CACNA2D3: variants seen among roughly 807,000 people sequenced by gnomAD.
CACNA2D3 encodes voltage-dependent calcium channel subunit alpha-2/delta-3.
A neutral mutation model predicts 160.6 loss-of-function variants in CACNA2D3; 60 were observed. The observed-to-expected ratio is 0.37, with a 90% CI of 0.30 to 0.46. The LOEUF (loss-of-function observed/expected upper bound fraction) is 0.46. Among genes scored for constraint, CACNA2D3 ranks in the 20% least tolerant of loss-of-function variants. The pLI is 1.00. For missense variants in CACNA2D3, 1,205 were observed against 1,365.0 expected (o/e 0.88, Z 1.85); for synonymous variants, 558 against 492.9 (o/e 1.13, Z -1.75).
chr3:54,931,293 C>T (rs940737352), intron 27 of CACNA2D3, among the ~76,000 whole-genome samples: 6 of 152,100 alleles, frequency 3.9e-5, no homozygotes, highest in African/African-American at 1.4e-4. Flanking sequence ...TCATGCTGAC[C>T]CCAATTGGGG....
chr3:54,350,226 ACT>A (rs1698528755), intron 3 of CACNA2D3, among the ~76,000 whole-genome samples: 1 of 151,478 alleles, frequency 6.6e-6, no homozygotes, highest in Admixed American at 6.6e-5. Flanking sequence ...AAATAACTGT[ACT>A]CTCTTGCTGA....
chr3:55,004,414 G>A (rs762474510), intron 31 of CACNA2D3, among the ~76,000 whole-genome samples: 2 of 152,166 alleles, frequency 1.3e-5, no homozygotes, highest in Non-Finnish European at 2.9e-5. Flanking sequence ...TTCCATCCGG[G>A]TCTTAGAATC....
intron 2 of CACNA2D3, among the ~76,000 whole-genome samples, chr3:54,222,602 C>G (rs1701595891): frequency 6.6e-6 from 1 of 152,166 alleles, no homozygotes; most frequent in Non-Finnish European, 1.5e-5. Flanking sequence ...CTAAACATCA[C>G]AAAATTGTTT....
At chr3:54,698,860 CA>C (rs1359956798) in intron 11 of CACNA2D3, among the ~76,000 whole-genome samples, 1 of 152,068 alleles carries the variant, frequency 6.6e-6, no homozygotes, top group Admixed American at 6.6e-5. Context: ...GTGTTTTCCC[CA>C]AATGTAACCA....
intron 2 of CACNA2D3, among the ~76,000 whole-genome samples, chr3:54,253,009 T>G (rs138961927): frequency 1.2e-3 from 177 of 152,354 alleles, no homozygotes; most frequent in African/African-American, 4.0e-3. Flanking sequence ...TGATTTAATA[T>G]TCTTCCTGAA....
rs1423010442 is a variant in CACNA2D3, at chr3:54,642,259, C to T, written c.1167+18C>T. ...ATCGAAAGGTAAGTTGATGCTGATC[C>T]CGTCTGTGCGGTGGACTCCTTGAGA... is the stretch of plus-strand genomic sequence containing the variant. On this transcript the variant is annotated intron_variant, in intron 11 of 37. Coordinates refer to ENST00000474759, the MANE Select transcript of CACNA2D3 (RefSeq NM_018398.3). 2.0e-6 allele frequency: 3 copies of T among 1,503,596 alleles called. No individual in the cohort carries two copies. Among genetic ancestry groups the T allele is most frequent in the African/African-American group, 1.4e-5 (1 of 72,774 alleles). 93.1% of individuals were successfully genotyped at this position (1,503,596 alleles called of 1,614,324 possible).
chr3:54,811,215 T>C (rs1323276439), intron 13 of CACNA2D3, among the ~76,000 whole-genome samples: 1 of 152,190 alleles, frequency 6.6e-6, no homozygotes, highest in Non-Finnish European at 1.5e-5. Flanking sequence ...TGGACAAAAC[T>C]GAGCTCTTAG....
At chr3:54,846,347 C>G in intron 16 of CACNA2D3, 46 bp from the exon 17 acceptor site, 2 of 1,297,712 alleles carry the variant, frequency 1.5e-6, no homozygotes, top group Non-Finnish European at 2.2e-6. Flanking sequence ...TGTGAATTCA[C>G]CAGGGAGCAA....
chr3:54,994,718 A>G (rs1444514495), intron 31 of CACNA2D3, among the ~76,000 whole-genome samples: 1 of 152,178 alleles, frequency 6.6e-6, no homozygotes, highest in Non-Finnish European at 1.5e-5. Flanking sequence ...AGTAACTACT[A>G]TTATTATTTC....
At chr3:54,349,355 T>G (rs1268571922) in intron 3 of CACNA2D3, among the ~76,000 whole-genome samples, 1 of 152,160 alleles carries the variant, frequency 6.6e-6, no homozygotes, top group African/African-American at 2.4e-5. Context: ...CGCTTTCTCA[T>G]TAGGAATTTC....
At position 54,337,058 on chromosome 3, in the gene CACNA2D3, A is replaced by G. The variant is rs111799578; in HGVS notation, c.321+16500A>G. Among the ~76,000 whole-genome samples the G allele has an allele frequency of 6.3e-3, 963 of 152,246 alleles. 18 individuals carry two copies. The highest frequency in any genetic ancestry group is 0.022 in the African/African-American group (909 of 41,548). On this transcript the variant is annotated intron_variant, in intron 3 of 37. Transcript: ENST00000474759. Reference sequence around the variant, plus strand: ...GAATAGCTCAAGTTTCTGTATATACACAGACATAGAACGAGACATAGACAG... The same window carrying G: ...GAATAGCTCAAGTTTCTGTATATACGCAGACATAGAACGAGACATAGACAG...
At chr3:54,968,657 A>T in intron 28 of CACNA2D3, 146 bp downstream of exon 28, 1 of 631,680 alleles carries the variant, frequency 1.6e-6, no homozygotes, top group Non-Finnish European at 2.8e-6. Context: ...CTTTCATTTC[A>T]CTGCAAAATA....
At chr3:54,924,220 G>A (rs149417086) in intron 27 of CACNA2D3, among the ~76,000 whole-genome samples, 1 of 152,306 alleles carries the variant, frequency 6.6e-6, no homozygotes, top group African/African-American at 2.4e-5. Context: ...CAGACAAAGA[G>A]AGAAAAATAT....
chr3:54,572,640 C>T (rs181862131), intron 8 of CACNA2D3, among the ~76,000 whole-genome samples: 8 of 152,260 alleles, frequency 5.3e-5, no homozygotes, highest in African/African-American at 1.9e-4. Context: ...AATTATATGG[C>T]CTTGAGGCAT....
intron 4 of CACNA2D3, among the ~76,000 whole-genome samples, chr3:54,424,238 G>T (rs1447994708): frequency 1.3e-5 from 2 of 152,134 alleles, no homozygotes; most frequent in African/African-American, 4.8e-5. Context: ...GTGAGCTATG[G>T]GACCTTCCCA....
chr3:55,019,435 A>G (rs1255440805), intron 35 of CACNA2D3, among the ~76,000 whole-genome samples: 1 of 152,090 alleles, frequency 6.6e-6, no homozygotes, highest in Non-Finnish European at 1.5e-5. Context: ...AACTAAGTAT[A>G]TGTCTTTAGT....
chr3:54,219,826 A>G lies in CACNA2D3; in HGVS notation c.204+96232A>G, dbSNP rs1006014713. Among the ~76,000 whole-genome samples, 3 of 152,162 alleles carry G rather than the reference A, an allele frequency of 2.0e-5. No homozygotes were observed. The South Asian group carries it at 6.2e-4, about 32-fold the overall frequency. ...GTGGTTGTGCTCACTCATAATCTGC[A>G]GAGCCTGGTTGAATAGGGCATATCT... On this transcript the variant is annotated intron_variant, in intron 2 of 37. Coordinates refer to ENST00000474759, the MANE Select transcript of CACNA2D3 (RefSeq NM_018398.3).
At chr3:55,020,936 G>A (rs1703434108) in intron 35 of CACNA2D3, among the ~76,000 whole-genome samples, 1 of 151,836 alleles carries the variant, frequency 6.6e-6, no homozygotes, top group African/African-American at 2.4e-5. Context: ...TGCTCAAAAA[G>A]GAGAGTGGCG....
chr3:55,005,621 C>T (rs111445743), intron 32 of CACNA2D3, among the ~76,000 whole-genome samples: 12 of 152,194 alleles, frequency 7.9e-5, no homozygotes, highest in African/African-American at 2.2e-4. Flanking sequence ...ATGTCACAGA[C>T]GAGGATCAAT....
Sources: gnomAD v4.1 joint callset for allele counts (sites outside exome capture counted in the v4.1 genomes callset) on GRCh38, gnomAD v4.1.1 for gene constraint, MANE v1.5 for transcripts, NCBI Gene and HGNC (gene_info 2026-07-23, HGNC 2026-07-21) for gene names.